HSPA9: variants seen among roughly 807,000 people sequenced by gnomAD.
The protein encoded by HSPA9 is heat shock protein family A (Hsp70) member 9.
Under a neutral mutation model 81.5 loss-of-function variants are expected in HSPA9, and 28 were observed. The observed-to-expected ratio is 0.34, with a 90% confidence interval of 0.25 to 0.47. The LOEUF is 0.47. Ranked by LOEUF, HSPA9 falls within the 20% of genes least tolerant of loss-of-function variation. The pLI, the probability that HSPA9 is intolerant of heterozygous loss-of-function variation, is 1.00. For synonymous variants in HSPA9, 293 were observed against 290.4 expected, an observed-to-expected ratio of 1.01 and a Z score of -0.09; for missense variants, 678 against 838.0, an observed-to-expected ratio of 0.81 and a Z score of 2.36.
chr5:138,573,984 AGAG>A (rs1751018257), intron 2 of HSPA9, 81 bp downstream of exon 2: 14 of 1,179,374 alleles, frequency 1.2e-5, no homozygotes, highest in Non-Finnish European at 1.6e-5. Flanking sequence ...AAATAATTAC[AGAG>A]AAGAATAATC....
At chr5:138,562,228 C>T (rs1750676889) in intron 9 of HSPA9, among the ~76,000 whole-genome samples, 1 of 150,916 alleles carries the variant, frequency 6.6e-6, no homozygotes, top group Non-Finnish European at 1.5e-5. Flanking sequence ...TGAGCCACCC[C>T]ACCCGGCCAA....
In HSPA9 at chr5:138,563,664, A is replaced by T. The variant is rs187644631; in HGVS notation, c.973-1875T>A. On this transcript the variant is annotated intron_variant, in intron 9 of 16. Coordinates refer to ENST00000297185, the MANE Select transcript of HSPA9 (RefSeq NM_004134.7). ...CTCTGGGGTTTGTATTCACTTATCT[A>T]GGGAGAGACACCAAATCCCAAATCT... is the stretch of plus-strand genomic sequence containing the variant. 7.7e-3 allele frequency among the ~76,000 whole-genome samples: 1,160 copies of T among 151,574 alleles called. 15 individuals are homozygous for T. Among genetic ancestry groups the T allele is most frequent in the African/African-American group, 0.026 (1,058 of 41,126 alleles).
chr5:138,556,818 C>G lies in HSPA9; in HGVS notation c.1777G>C (p.Glu593Gln). 6.2e-7 allele frequency: 1 copy of G among 1,613,972 alleles called. No individual in the cohort carries two copies. Among genetic ancestry groups the G allele is most frequent in the Non-Finnish European group, 8.5e-7 (1 of 1,179,880 alleles). ...NMAEGIIHDT[E>Q]TKMEEFKDQL... ...TCCTTGAATTCTTCCATCTTGGTTT[C>G]TGTGTCGTGAATGATTCCTTCAGCC... Residue 593 changes from glutamate (E) to glutamine (Q), a missense_variant, in exon 15 of 17, where the codon GAA becomes CAA. Glu to Gln is a conservative substitution (Grantham distance 29). Around this residue, in one of 4 missense-constraint regions of HSPA9, gnomAD observed 100 missense variants for 99.5 expected, o/e 1.00. Transcript: ENST00000297185.
Position 138,554,969 on chromosome 5 carries a change from A to C in HSPA9, c.*1068T>G, listed in dbSNP as rs1184588698. The C allele has an allele frequency of 6.6e-6, 1 of 152,208 alleles. No homozygotes were observed. Among genetic ancestry groups the C allele is most frequent in the Admixed American group, 6.5e-5 (1 of 15,272 alleles). The allele number at this position is 152,208 out of a possible 1,614,324, so 9.4% of individuals were successfully genotyped here. A position where few individuals can be genotyped will look rare whatever the true frequency, so the allele number is the denominator to read the frequency against. On this transcript the variant is annotated 3_prime_UTR_variant, in exon 17 of 17. Transcript: ENST00000297185. ...TTCTAGATGCAGTTTCTTTAATGTA[A>C]GCCAATTCTGGTTATTTCTACTTGG... is the stretch of plus-strand genomic sequence containing the variant.
chr5:138,567,609 C>A (rs1324028479), intron 6 of HSPA9, 40 bp downstream of exon 6: 1 of 1,608,774 alleles, frequency 6.2e-7, no homozygotes, highest in South Asian at 1.1e-5. Flanking sequence ...CCATCCCAGG[C>A]ACCTTACTTT....
intron 7 of HSPA9, 72 bp downstream of exon 7, chr5:138,567,383 C>T: frequency 1.6e-6 from 2 of 1,220,334 alleles, no homozygotes; most frequent in African/African-American, 1.5e-5. Flanking sequence ...CTGTAAAAGG[C>T]TCAATTACTA....
At chr5:138,568,789 C>T (rs1750820782) in intron 5 of HSPA9, 136 bp downstream of exon 5, 1 of 846,700 alleles carries the variant, frequency 1.2e-6, no homozygotes, top group Non-Finnish European at 2.0e-6. Context: ...AAGTATAACA[C>T]AGTTTTGCCA....
chr5:138,568,822 G>C (rs1750821009), intron 5 of HSPA9, 103 bp downstream of exon 5: 1 of 1,228,764 alleles, frequency 8.1e-7, no homozygotes, highest in Non-Finnish European at 1.2e-6. Flanking sequence ...CTATACAAAA[G>C]GGACCACAGA....
rs1246524101 is a variant in HSPA9 at position 138,554,389 on chromosome 5, A to G, written c.*1648T>C. Among the ~76,000 whole-genome samples, 1 of 152,192 alleles carries G rather than the reference A, an allele frequency of 6.6e-6. No individual in the cohort carries two copies. The highest frequency in any genetic ancestry group is 2.4e-5 in the African/African-American group (1 of 41,444). The stretch of plus-strand genomic sequence containing the variant: ...GGGCAAGGGCCAACCAAAAATGCTA[A>G]AAGTTATTTTCCAACACACCATATA... On this transcript the variant is annotated 3_prime_UTR_variant, in exon 17 of 17. Transcript: ENST00000297185.
At position 138,561,577 on chromosome 5, in the gene HSPA9, T is replaced by C. The variant is rs374434245; in HGVS notation, c.1182+3A>G. ...TCCACGACAGAATTCCACTGGTCCA[T>C]ACCTTGGGCATCCTAGTCATGCCAC... On this transcript the variant is annotated splice_donor_region_variant and intron_variant, in intron 10 of 16. Coordinates refer to ENST00000297185, the MANE Select transcript of HSPA9 (RefSeq NM_004134.7). The C allele has an allele frequency of 2.7e-4, 442 of 1,611,224 alleles. No individual in the cohort carries two copies. The highest frequency in any genetic ancestry group is 3.6e-4 in the Non-Finnish European group (422 of 1,178,714).
chr5:138,565,785 C>T (rs1750747666), intron 9 of HSPA9, among the ~76,000 whole-genome samples: 1 of 152,212 alleles, frequency 6.6e-6, no homozygotes, highest in Admixed American at 6.5e-5. Context: ...GTGATCACGG[C>T]TCACTGCAGC....
intron 2 of HSPA9, 99 bp downstream of exon 2, chr5:138,573,965 AATAC>A: frequency 8.1e-7 from 1 of 1,238,612 alleles, no homozygotes; most frequent in Non-Finnish European, 1.2e-6. Flanking sequence ...TCTCTAAATA[AATAC>A]AGATAAATAA....
rs182014286 is a variant in HSPA9 at position 138,554,443 on chromosome 5, C to A, written c.*1594G>T. Among the ~76,000 whole-genome samples the A allele has an allele frequency of 6.6e-6, 1 of 152,296 alleles. No individual in the cohort carries two copies. The highest frequency in any genetic ancestry group is 1.9e-4 in the East Asian group (1 of 5,188). On this transcript the variant is annotated 3_prime_UTR_variant, in exon 17 of 17. Transcript: ENST00000297185. ...ATCCTTCATAATCCTACAATGTTCC[C>A]ATTGAGTGTTCATGTGGTTGGAAAC...
At chr5:138,557,240 C>T (rs1750548562) in intron 14 of HSPA9, 162 bp downstream of exon 14, 2 of 672,274 alleles carry the variant, frequency 3.0e-6, no homozygotes, top group South Asian at 1.7e-5. Flanking sequence ...GCTGGGACTG[C>T]AGGCGTGCAC....
chr5:138,571,173 T>G, intron 3 of HSPA9, 32 bp from the exon 4 acceptor site: 2 of 1,606,808 alleles, frequency 1.2e-6, no homozygotes, highest in East Asian at 2.2e-5. Context: ...GAGAGTAAGT[T>G]TGTAGTTATC....
intron 9 of HSPA9, 51 bp downstream of exon 9, chr5:138,566,575 A>G (rs1750767361): frequency 8.2e-7 from 1 of 1,212,826 alleles, no homozygotes; most frequent in Non-Finnish European, 1.2e-6. Flanking sequence ...ATTTTAAATA[A>G]GCTCCGGCTG....
chr5:138,557,357 C>G, intron 14 of HSPA9, 45 bp downstream of exon 14: 1 of 1,348,340 alleles, frequency 7.4e-7, no homozygotes, highest in African/African-American at 1.4e-5. Flanking sequence ...ACTGTCAAGA[C>G]TGAGCTTTAC....
chr5:138,568,554 C>G (rs1389024918), intron 5 of HSPA9, among the ~76,000 whole-genome samples: 3 of 152,124 alleles, frequency 2.0e-5, no homozygotes, highest in African/African-American at 7.2e-5. Context: ...CCCCTAAGAT[C>G]ACTCTTTCAA....
intron 10 of HSPA9, among the ~76,000 whole-genome samples, chr5:138,560,488 AT>A (rs1385888439): frequency 5.3e-5 from 8 of 152,188 alleles, no homozygotes; most frequent in African/African-American, 1.9e-4. Context: ...CATTGCTAAC[AT>A]GGGGCATGGT....
Sources: gnomAD v4.1 joint callset for allele counts (sites outside exome capture counted in the v4.1 genomes callset) on GRCh38, gnomAD v4.1.1 for gene constraint, gnomAD v4.1.1 regional missense constraint, MANE v1.5 for transcripts, NCBI Gene and HGNC (gene_info 2026-07-23, HGNC 2026-07-21) for gene names.